The following HYAL1 variants were observed in gnomAD, a reference collection of about 807,000 sequenced individuals.
The protein encoded by HYAL1 is hyaluronidase-1.
In HYAL1, 21 loss-of-function variants were observed where a neutral mutation model predicts 28.8. The observed-to-expected ratio is 0.73, with a 90% confidence interval of 0.52 to 1.05. The LOEUF is 1.05. Ranked by LOEUF, HYAL1 falls within the 50% of genes least tolerant of loss-of-function variation. The pLI is 0.00. For synonymous variants in HYAL1, 200 were observed against 230.1 expected, an observed-to-expected ratio of 0.87 and a Z score of 1.18; for missense variants, 491 against 579.2, an observed-to-expected ratio of 0.85 and a Z score of 1.56.
At chr3:50,310,745 C>T (rs1390570336) in intron 1 of HYAL1, among the ~76,000 whole-genome samples, 7 of 150,668 alleles carry the variant, frequency 4.6e-5, no homozygotes, top group Admixed American at 6.6e-5. Context: ...GAGGACCCCA[C>T]GGCCTTCCGC....
upstream of HYAL1, among the ~76,000 whole-genome samples, chr3:50,305,218 G>T (rs1553713813): frequency 6.6e-6 from 1 of 152,152 alleles, no homozygotes; most frequent in African/African-American, 2.4e-5. Context: ...CACCTCTCTG[G>T]ACAGAGCTTA....
intron 2 of HYAL1, among the ~76,000 whole-genome samples, 160 bp downstream of exon 2, chr3:50,301,897 G>A (rs1702175619): frequency 6.6e-6 from 1 of 151,518 alleles, no homozygotes. Flanking sequence ...CTTGCAGTGA[G>A]CCAAGATCGT....
At position 50,300,003 on chromosome 3, in the gene HYAL1, C is replaced by T. The variant is rs967164645; in HGVS notation, c.*480G>A. The stretch of plus-strand genomic sequence containing the variant: ...GAGTGCAAGGGCTGTACCCCCGGAG[C>T]TAGACAGCCTGGGTTTGAATCTCAA... On this transcript the variant is annotated 3_prime_UTR_variant, in exon 4 of 4. Coordinates refer to ENST00000395144, the MANE Select transcript of HYAL1 (RefSeq NM_033159.4). The T allele has an allele frequency of 5.9e-5, 14 of 236,834 alleles. No homozygotes were observed. Among genetic ancestry groups the T allele is most frequent in the Non-Finnish European group, 8.5e-6 (1 of 117,710 alleles). 14.7% of individuals were successfully genotyped at this position (236,834 alleles called of 1,614,324 possible).
chr3:50,311,923 T>C lies in HYAL1; in HGVS notation c.-310+341A>G, dbSNP rs1297616278. ...ATCCCCCCTCCCCTCACGGATGGGG[T>C]GGCTGGCCGGCCAGAGGGGCTCCTC... On this transcript the variant is annotated intron_variant, in intron 1 of 5. Transcript: ENST00000320295. Among the ~76,000 whole-genome samples the C allele has an allele frequency of 1.9e-3, 175 of 93,462 alleles. 2 individuals are homozygous for C. Among genetic ancestry groups the C allele is most frequent in the African/African-American group, 7.1e-3 (159 of 22,350 alleles). The allele number at this position is 93,462 out of a possible 152,430, so 61.3% of individuals were successfully genotyped here.
upstream of HYAL1, among the ~76,000 whole-genome samples, chr3:50,304,861 G>A (rs1227583883): frequency 1.3e-5 from 2 of 152,138 alleles, no homozygotes; most frequent in African/African-American, 2.4e-5. Context: ...CCTGGGACTG[G>A]GTGTGTGTGA....
rs1308999636 is a variant in HYAL1, at chr3:50,300,602, G to A, written c.1189C>T (p.Pro397Ser). 10 of 1,614,086 alleles carry A rather than the reference G, an allele frequency of 6.2e-6. No homozygotes were observed. Among genetic ancestry groups the A allele is most frequent in the Non-Finnish European group, 8.5e-6 (10 of 1,180,034 alleles). The change falls in exon 4 of 4, where the codon CCC (proline) becomes TCC (serine). Residue 397 changes from proline (P) to serine (S), a missense_variant. Physicochemically the swap from Pro to Ser is moderately conservative, Grantham distance 74. Coordinates refer to ENST00000395144, the MANE Select transcript of HYAL1 (RefSeq NM_033159.4). ...FSIQLTPGGGPLSLRGALSLE... is the reference protein window; with the variant it reads ...FSIQLTPGGGSLSLRGALSLE... ...GAGAGGGCACCCCGCAGGCTCAGGG[G>A]CCCACCACCAGGCGTGAGCTGGATG...
Position 50,302,413 on chromosome 3 carries a change from A to G in HYAL1, c.544T>C (p.Trp182Arg), listed in dbSNP as rs1288013429. ...CCCAGCTGGAGGGTGCCTGCCATCC[A>G]GGCCCGTGCAGCTCCCTGGAACTGG... The part of the protein sequence containing the change: ...QDQFQGAARA[W>R]MAGTLQLGRA... The change falls in exon 2 of 4, where the codon TGG becomes CGG. Residue 182 changes from tryptophan to arginine, a missense_variant. Coordinates refer to ENST00000395144, the MANE Select transcript of HYAL1 (RefSeq NM_033159.4). This position sits in a 1 kb window ranked among gnomAD's most constrained non-coding sequence, Gnocchi z 5.0. 1 of 1,613,776 alleles carries G rather than the reference A, an allele frequency of 6.2e-7. No homozygotes were observed. The highest frequency in any genetic ancestry group is 8.5e-7 in the Non-Finnish European group (1 of 1,179,928).
At chr3:50,311,761 C>T (rs1249297432) in intron 1 of HYAL1, among the ~76,000 whole-genome samples, 2 of 143,492 alleles carry the variant, frequency 1.4e-5, no homozygotes, top group South Asian at 2.2e-4. Context: ...GCTGGCTGGG[C>T]AGAGGGGCTC....
chr3:50,308,855 C>T (rs367722991), intron 2 of HYAL1, among the ~76,000 whole-genome samples: 4 of 149,992 alleles, frequency 2.7e-5, no homozygotes, highest in Admixed American at 6.6e-5. Context: ...CCTAGCCTCC[C>T]GAGTAGCTGG....
At chr3:50,300,939 T>TGGGGGGGGGGGGGGGGGG in intron 3 of HYAL1, 49 bp downstream of exon 3, 11 of 959,328 alleles carry the variant, frequency 1.1e-5, no homozygotes, top group African/African-American at 1.6e-5. Context: ...GTCAGCTTAA[T>TGGGGGGGGGGGGGGGGGG]GGCCCCACCC....
chr3:50,308,595 C>T (rs1404387349), intron 2 of HYAL1, among the ~76,000 whole-genome samples: 12 of 149,938 alleles, frequency 8.0e-5, no homozygotes, highest in Non-Finnish European at 4.4e-5. Flanking sequence ...CTACAGGCGC[C>T]CACCACCGCG....
intron 1 of HYAL1, chr3:50,312,170 ACCC>A (rs1213851326): frequency 1.3e-5 from 2 of 149,970 alleles, no homozygotes; most frequent in Non-Finnish European, 2.8e-5. Context: ...CGGGGGGTTG[ACCC>A]CCCCATCTCC....
chr3:50,304,300 T>A (rs1242306853), upstream of HYAL1, among the ~76,000 whole-genome samples: 2,679 of 15,294 alleles, frequency 0.18, 84 homozygotes, highest in East Asian at 0.21. Flanking sequence ...AAAAAAAATA[T>A]ATATATATAT....
rs199678542 is a variant in HYAL1, at chr3:50,302,352, T to C, written c.605A>G (p.Tyr202Cys). ...ATAGTTGTAGCAGTCAGGGAAGCCA[T>C]AGAAGCCCCAGAGGCCGCGAGGACG... ...ALRPRGLWGFYGFPDCYNYDF... is the reference protein window; with the variant it reads ...ALRPRGLWGFCGFPDCYNYDF... Residue 202 changes from tyrosine to cysteine, a missense_variant, in exon 2 of 4, where the codon TAT (tyrosine) becomes TGT (cysteine). Physicochemically the swap from Tyr to Cys is radical, Grantham distance 194. Transcript: ENST00000395144. This position sits in a 1 kb window ranked among gnomAD's most constrained non-coding sequence, Gnocchi z 5.0. 8.1e-5 allele frequency: 131 copies of C among 1,613,668 alleles called. No individual in the cohort carries two copies. The highest frequency in any genetic ancestry group is 9.7e-5 in the Non-Finnish European group (115 of 1,179,984).
upstream of HYAL1, among the ~76,000 whole-genome samples, chr3:50,308,512 A>G (rs587721694): frequency 3.3e-5 from 5 of 150,404 alleles, no homozygotes; most frequent in South Asian, 1.0e-3. Context: ...CAGTGGCGCG[A>G]TCTCAGCTCA....
At chr3:50,304,296 A>AAAATATAT (rs1553713686), upstream of HYAL1, among the ~76,000 whole-genome samples, 7 of 30,474 alleles carry the variant, frequency 2.3e-4, no homozygotes, top group Admixed American at 6.4e-4. Flanking sequence ...AAAAAAAAAA[A>AAAATATAT]ATATATATAT....
Position 50,300,389 on chromosome 3 carries a change from C to A in HYAL1, c.*94G>T. 1 of 1,262,874 alleles carries A rather than the reference C, an allele frequency of 7.9e-7. No homozygotes were observed. Among genetic ancestry groups the A allele is most frequent in the South Asian group, 1.2e-5 (1 of 82,852 alleles). 78.2% of individuals were successfully genotyped at this position (1,262,874 alleles called of 1,614,324 possible). A position where few individuals can be genotyped will look rare whatever the true frequency, so the allele number is the denominator to read the frequency against. On this transcript the variant is annotated 3_prime_UTR_variant, in exon 4 of 4. Transcript: ENST00000395144. ...GGCTGAGTGTACTCTTTACTGTGAC[C>A]ATGACTTGTATGACTGTGCATGTAT...
At chr3:50,305,825 C>T (rs979746476), upstream of HYAL1, among the ~76,000 whole-genome samples, 4 of 151,474 alleles carry the variant, frequency 2.6e-5, no homozygotes, top group Admixed American at 1.3e-4. Flanking sequence ...TGAGCCACCA[C>T]GCTTGGCTAA....
intron 1 of HYAL1, among the ~76,000 whole-genome samples, chr3:50,311,602 CGGCTGGCCGGGCGGGGGGCTG>C (rs1702458586): frequency 7.4e-6 from 1 of 135,918 alleles, no homozygotes; most frequent in Non-Finnish European, 1.6e-5. Context: ...CCGGACGGGG[CGGCTGGCCGGGCGGGGGGCTG>C]ACCCCCCCAC....
Sources: gnomAD v4.1 joint callset for allele counts (sites outside exome capture counted in the v4.1 genomes callset) on GRCh38, gnomAD v4.1.1 for gene constraint, Gnocchi (gnomAD v3.1) non-coding constraint, MANE v1.5 for transcripts, NCBI Gene and HGNC (gene_info 2026-07-23, HGNC 2026-07-21) for gene names.